Variants in GLT1D1 observed in about 807,000 individuals in gnomAD.
The protein encoded by GLT1D1 is glycosyltransferase 1 domain-containing protein 1.
A neutral mutation model predicts 28.7 loss-of-function variants in GLT1D1; 21 were observed. The ratio of observed to expected loss-of-function variants is 0.73; its 90% CI spans 0.52 to 1.05. GLT1D1 has a LOEUF of 1.05. GLT1D1 is among the 50% of genes least tolerant of loss of function. The probability of loss-of-function intolerance (pLI) is 0.00; values close to 1 mark genes in which losing one functional copy is unlikely to be tolerated. For synonymous variants in GLT1D1, 147 were observed against 124.8 expected, an observed-to-expected ratio of 1.18 and a Z score of -1.19; for missense variants, 343 against 330.6, an observed-to-expected ratio of 1.04 and a Z score of -0.29.
intron 7 of GLT1D1, among the ~76,000 whole-genome samples, chr12:128,972,919 A>G (rs1311447526): frequency 1.3e-5 from 2 of 152,164 alleles, no homozygotes; most frequent in African/African-American, 4.8e-5. Flanking sequence ...TTTCTTTGTA[A>G]TGAGAATATT....
chr12:128,942,950 T>A (rs905891294), intron 4 of GLT1D1, among the ~76,000 whole-genome samples: 16 of 152,096 alleles, frequency 1.1e-4, no homozygotes, highest in African/African-American at 3.9e-4. Context: ...GGTTTCACCA[T>A]GTTGGCCAGG....
intron 2 of GLT1D1, among the ~76,000 whole-genome samples, chr12:128,881,813 G>T (rs1190505): frequency 0.22 from 32,874 of 150,946 alleles, 4,471 homozygotes; most frequent in African/African-American, 0.38. Flanking sequence ...ACTTTTAATT[G>T]CGTAACCTAT....
At chr12:128,914,806 C>A (rs960900423) in intron 4 of GLT1D1, 127 bp from the exon 6 acceptor site, 3 of 690,932 alleles carry the variant, frequency 4.3e-6, no homozygotes, top group Non-Finnish European at 4.8e-6. Flanking sequence ...GGTGACAGAG[C>A]GAGACTCTGT....
At chr12:128,905,062 C>T (rs1268242354) in intron 4 of GLT1D1, among the ~76,000 whole-genome samples, 1 of 144,362 alleles carries the variant, frequency 6.9e-6, no homozygotes, top group East Asian at 2.0e-4. Context: ...AGCCACCGCG[C>T]CTGGCCCATT....
intron 7 of GLT1D1, among the ~76,000 whole-genome samples, chr12:128,973,427 A>G (rs1424631500): frequency 6.7e-6 from 1 of 148,170 alleles, no homozygotes; most frequent in African/African-American, 2.5e-5. Context: ...TCCTGACCTC[A>G]AGTGATCCAC....
intron 7 of GLT1D1, among the ~76,000 whole-genome samples, chr12:128,974,344 G>A (rs1879555790): frequency 6.6e-6 from 1 of 152,062 alleles, no homozygotes; most frequent in African/African-American, 2.4e-5. Context: ...CCACAGCAAT[G>A]CCTTTGAGCC....
chr12:128,970,675 C>T (rs554877097), intron 7 of GLT1D1, among the ~76,000 whole-genome samples: 1 of 152,364 alleles, frequency 6.6e-6, no homozygotes, highest in Admixed American at 6.5e-5. Context: ...TGTCTCTAAC[C>T]GAGCTGCGCC....
intron 1 of GLT1D1, among the ~76,000 whole-genome samples, chr12:128,868,926 A>G (rs1956614775): frequency 6.6e-6 from 1 of 151,766 alleles, no homozygotes; most frequent in Admixed American, 6.6e-5. Flanking sequence ...CTGGAGTGCA[A>G]TGGCACGATC....
chr12:128,862,519 A>G (rs988932193), intron 1 of GLT1D1, among the ~76,000 whole-genome samples: 1 of 151,904 alleles, frequency 6.6e-6, no homozygotes, highest in African/African-American at 2.4e-5. Flanking sequence ...AGCTGAGCAT[A>G]GTGGTCCCAG....
At chr12:128,925,454 C>A (rs1873110706) in intron 4 of GLT1D1, among the ~76,000 whole-genome samples, 1 of 152,214 alleles carries the variant, frequency 6.6e-6, no homozygotes, top group South Asian at 2.1e-4. Context: ...TCTCTGCCTG[C>A]ATTAGTTTGC....
chr12:128,936,376 G>A (rs1173839211), intron 4 of GLT1D1, among the ~76,000 whole-genome samples: 8 of 152,102 alleles, frequency 5.3e-5, no homozygotes, highest in African/African-American at 1.4e-4. Flanking sequence ...GGATGGTCTC[G>A]ATCCCCTGAA....
intron 2 of GLT1D1, among the ~76,000 whole-genome samples, chr12:128,876,845 G>A (rs1956881481): frequency 6.6e-6 from 1 of 152,132 alleles, no homozygotes; most frequent in South Asian, 2.1e-4. Flanking sequence ...CATCCAACAA[G>A]GCAATGGGCC....
intron 4 of GLT1D1, among the ~76,000 whole-genome samples, chr12:128,922,083 C>T (rs1270121845): frequency 6.6e-6 from 1 of 151,888 alleles, no homozygotes; most frequent in Non-Finnish European, 1.5e-5. Context: ...ATGTTTCTCC[C>T]TTCTCAGTGT....
At chr12:128,914,734 C>T (rs1247500036) in intron 4 of GLT1D1, among the ~76,000 whole-genome samples, 199 bp from the exon 6 acceptor site, 4 of 152,080 alleles carry the variant, frequency 2.6e-5, no homozygotes, top group Non-Finnish European at 2.9e-5. Flanking sequence ...GCAGGAGAAT[C>T]GCTTCAAACC....
At chr12:128,970,294 C>G (rs1878908504) in intron 7 of GLT1D1, among the ~76,000 whole-genome samples, 1 of 152,196 alleles carries the variant, frequency 6.6e-6, no homozygotes, top group African/African-American at 2.4e-5. Flanking sequence ...GTCCTGGGTC[C>G]TGGGCTCCCA....
chr12:128,893,442 A>G (rs1004231651), intron 3 of GLT1D1, among the ~76,000 whole-genome samples: 9 of 152,164 alleles, frequency 5.9e-5, no homozygotes, highest in African/African-American at 2.2e-4. Context: ...AGCTATAGAT[A>G]TTTAAGCCCA....
chr12:128,950,715 A>G (rs983883561), intron 6 of GLT1D1, among the ~76,000 whole-genome samples: 1 of 152,214 alleles, frequency 6.6e-6, no homozygotes, highest in Non-Finnish European at 1.5e-5. Context: ...GTAAACCTTT[A>G]TCAGCTCTGC....
chr12:128,982,700 A>ATG (rs1200796686), intron 7 of GLT1D1, among the ~76,000 whole-genome samples: 1 of 151,412 alleles, frequency 6.6e-6, no homozygotes, highest in Non-Finnish European at 1.5e-5. Context: ...GTGTGTGCAT[A>ATG]TGTGTGTGTG....
At chr12:128,892,288 CGTGTGAGT>C (rs796917596) in intron 3 of GLT1D1, among the ~76,000 whole-genome samples, 20 of 152,146 alleles carry the variant, frequency 1.3e-4, no homozygotes, top group Middle Eastern at 3.4e-3. Context: ...AGAGAGCACA[CGTGTGAGT>C]GTGCATGTGT....
Sources: gnomAD v4.1 joint callset for allele counts (sites outside exome capture counted in the v4.1 genomes callset) on GRCh38, gnomAD v4.1.1 for gene constraint, MANE v1.5 for transcripts, NCBI Gene and HGNC (gene_info 2026-07-23, HGNC 2026-07-21) for gene names.